Variants in TSPAN33 observed in about 807,000 individuals in gnomAD.
TSPAN33 encodes the protein tetraspanin 33.
In TSPAN33, 27 loss-of-function variants were observed where a neutral mutation model predicts 34.8. The ratio of observed to expected loss-of-function variants is 0.78; its 90% CI spans 0.57 to 1.07. The LOEUF is 1.07. Ranked by LOEUF, TSPAN33 falls within the 50% of genes least tolerant of loss-of-function variation. The pLI, the probability that TSPAN33 is intolerant of heterozygous loss-of-function variation, is 0.00. For synonymous variants in TSPAN33, 119 were observed against 124.2 expected (o/e 0.96, Z 0.28); for missense variants, 272 against 324.9 (o/e 0.84, Z 1.25).
In TSPAN33 at chr7:129,165,723, A is replaced by G. The variant is rs1793128246; in HGVS notation, c.460-1055A>G. On this transcript the variant is annotated intron_variant, in intron 5 of 7. Transcript: ENST00000486685. The surrounding 1 kb of genome is among the most constrained non-coding windows in gnomAD (Gnocchi z 4.5). ...TCAGGAGTTTGAGACTAGCCTGGCC[A>G]ACATGATGAAACCCTGTTTCCACCA... Among the ~76,000 whole-genome samples, 1 of 152,212 alleles carries G rather than the reference A, an allele frequency of 6.6e-6. No homozygotes were observed. Among genetic ancestry groups the G allele is most frequent in the South Asian group, 2.1e-4 (1 of 4,820 alleles).
chr7:129,150,617 C>T (rs1433681685), intron 1 of TSPAN33, among the ~76,000 whole-genome samples: 1 of 152,214 alleles, frequency 6.6e-6, no homozygotes, highest in Non-Finnish European at 1.5e-5. Flanking sequence ...CTGGAATTCT[C>T]TGAACATCAG....
rs199681216 is a variant in TSPAN33, at chr7:129,166,849, C to T, written c.531C>T (p.Asn177=). ...TGTATTTCAACTGCTCAGAAGACAA[C>T]CCCAGTCGAGAGCGCTGCTCTGTGC... is the stretch of plus-strand genomic sequence containing the variant. ...QNMYFNCSED[N]PSRERCSVPY... The change falls in exon 6 of 8, where the codon AAC becomes AAT. Residue 177 remains asparagine, a synonymous_variant. Coordinates refer to ENST00000486685, the MANE Select transcript of TSPAN33 (RefSeq NM_178562.5). 63 of 1,614,148 alleles carry T rather than the reference C, an allele frequency of 3.9e-5. No homozygotes were observed. The highest frequency in any genetic ancestry group is 5.0e-5 in the Non-Finnish European group (59 of 1,180,026).
chr7:129,161,874 G>A (rs34761481), intron 2 of TSPAN33, 138 bp downstream of exon 2: 174,652 of 1,000,946 alleles, frequency 0.17, 15,617 homozygotes, highest in Admixed American at 0.24. Flanking sequence ...CATGGTCTAC[G>A]TAGGTGTCAG....
At chr7:129,157,314 G>A (rs779557443) in intron 1 of TSPAN33, among the ~76,000 whole-genome samples, 5 of 152,090 alleles carry the variant, frequency 3.3e-5, no homozygotes, top group African/African-American at 7.2e-5. Context: ...GCTATGAACA[G>A]CAGCAGCAGC....
intron 1 of TSPAN33, among the ~76,000 whole-genome samples, chr7:129,154,900 A>G (rs1476936605): frequency 3.3e-5 from 5 of 152,214 alleles, no homozygotes. Context: ...CAGCAATCCC[A>G]CTACTGAGTG....
intron 1 of TSPAN33, among the ~76,000 whole-genome samples, chr7:129,152,384 T>C (rs1356494864): frequency 6.6e-6 from 1 of 152,178 alleles, no homozygotes; most frequent in Non-Finnish European, 1.5e-5. Flanking sequence ...CAACCAAGTA[T>C]TATTCAGCGA....
In TSPAN33 at chr7:129,168,819, G is replaced by C. The variant is rs574027255; in HGVS notation, c.*945G>C. ...GGGAGCCAGAAGTGGCAATAAAAGC[G>C]TGTTGACCTGGGCTACGCGGGACTC... On this transcript the variant is annotated 3_prime_UTR_variant, in exon 8 of 8. Transcript: ENST00000486685. 6.9e-6 allele frequency: 1 copy of C among 145,952 alleles called. No individual in the cohort carries two copies. Among genetic ancestry groups the C allele is most frequent in the South Asian group, 2.2e-4 (1 of 4,484 alleles). The allele number at this position is 145,952 out of a possible 1,614,324, so 9.0% of individuals were successfully genotyped here.
In TSPAN33 at chr7:129,165,857, CCAAGAT is replaced by C. The variant is rs1325448197; in HGVS notation, c.460-918_460-913del. Reference sequence around the variant, plus strand: ...TTTGGGAGTTGGAGGTTGCAGTGAGCCAAGATCATGCCATTGCACTCCAGCCTGGGT... The same window carrying C: ...TTTGGGAGTTGGAGGTTGCAGTGAGCCATGCCATTGCACTCCAGCCTGGGT... On this transcript the variant is annotated intron_variant, in intron 5 of 7. Coordinates refer to ENST00000486685, the MANE Select transcript of TSPAN33 (RefSeq NM_178562.5). This position sits in a 1 kb window ranked among gnomAD's most constrained non-coding sequence, Gnocchi z 4.5. Among the ~76,000 whole-genome samples the C allele has an allele frequency of 6.6e-6, 1 of 152,000 alleles. No individual in the cohort carries two copies. Among genetic ancestry groups the C allele is most frequent in the East Asian group, 1.9e-4 (1 of 5,154 alleles).
Position 129,167,741 on chromosome 7 carries a change from C to G in TSPAN33, c.751-32C>G. On this transcript the variant is annotated intron_variant, in intron 7 of 7. Coordinates refer to ENST00000486685, the MANE Select transcript of TSPAN33 (RefSeq NM_178562.5). The surrounding 1 kb of genome is among the most constrained non-coding windows in gnomAD (Gnocchi z 4.6). The stretch of plus-strand genomic sequence containing the variant: ...GGGAAAACAAGGCCATCACTCACTG[C>G]TGAGTGCCCAATTCCTTCTTGCCTC... The G allele has an allele frequency of 6.2e-7, 1 of 1,605,112 alleles. No individual in the cohort carries two copies. Among genetic ancestry groups the G allele is most frequent in the South Asian group, 1.1e-5 (1 of 90,836 alleles).
chr7:129,154,612 A>T (rs753256390), intron 1 of TSPAN33, among the ~76,000 whole-genome samples: 8 of 151,964 alleles, frequency 5.3e-5, no homozygotes, highest in African/African-American at 1.7e-4. Flanking sequence ...GTGGTGGCTC[A>T]TGCCTGTAAT....
chr7:129,146,211 A>G (rs769382958), intron 1 of TSPAN33, among the ~76,000 whole-genome samples: 13 of 152,134 alleles, frequency 8.5e-5, no homozygotes, highest in South Asian at 4.1e-4. Context: ...CATTTGCTGG[A>G]AAGGTTTCAC....
At chr7:129,145,615 T>C (rs559015148) in intron 1 of TSPAN33, among the ~76,000 whole-genome samples, 15 of 149,654 alleles carry the variant, frequency 1.0e-4, no homozygotes, top group Admixed American at 6.6e-4. Context: ...GTCTTTCCCA[T>C]CCCAGCACTG....
At chr7:129,155,485 A>G (rs1366204082) in intron 1 of TSPAN33, among the ~76,000 whole-genome samples, 4 of 152,246 alleles carry the variant, frequency 2.6e-5, no homozygotes, top group Admixed American at 6.5e-5. Flanking sequence ...GTATCAAAAT[A>G]TCATATGTAT....
chr7:129,167,653 G>A lies in TSPAN33; in HGVS notation c.750+93G>A. 1 of 1,549,492 alleles carries A rather than the reference G, an allele frequency of 6.5e-7. No homozygotes were observed. The highest frequency in any genetic ancestry group is 8.8e-7 in the Non-Finnish European group (1 of 1,130,072). On this transcript the variant is annotated intron_variant, in intron 7 of 7. Transcript: ENST00000486685. The surrounding 1 kb of genome is among the most constrained non-coding windows in gnomAD (Gnocchi z 4.6). ...ACCTGGGGATCAGCGAGGGTGTCAGGCACTGACATGGCTGAGGGGTAGGGA... is the reference window on the plus strand; with the variant it reads ...ACCTGGGGATCAGCGAGGGTGTCAGACACTGACATGGCTGAGGGGTAGGGA...
intron 2 of TSPAN33, 151 bp downstream of exon 2, chr7:129,161,887 C>T (rs922066021): frequency 3.6e-6 from 3 of 842,182 alleles, no homozygotes; most frequent in Non-Finnish European, 5.5e-6. Context: ...GGTGTCAGAC[C>T]CCCCCAGGCC....
At chr7:129,155,324 A>G (rs1255786717) in intron 1 of TSPAN33, among the ~76,000 whole-genome samples, 1 of 152,246 alleles carries the variant, frequency 6.6e-6, no homozygotes, top group African/African-American at 2.4e-5. Flanking sequence ...AATAAGTTCT[A>G]GTGTTCAACA....
At chr7:129,153,134 G>A (rs1334184416) in intron 1 of TSPAN33, among the ~76,000 whole-genome samples, 1 of 151,996 alleles carries the variant, frequency 6.6e-6, no homozygotes. Flanking sequence ...GACACAGAGG[G>A]TCACCTAGTA....
At chr7:129,149,553 C>G (rs1810565194) in intron 1 of TSPAN33, among the ~76,000 whole-genome samples, 1 of 150,238 alleles carries the variant, frequency 6.7e-6, no homozygotes, top group Non-Finnish European at 1.5e-5. Context: ...AACTCCGTCT[C>G]AAAAAAAAAG....
chr7:129,161,722 T>G lies in TSPAN33; in HGVS notation c.146T>G (p.Leu49Arg). 1 of 1,614,186 alleles carries G rather than the reference T, an allele frequency of 6.2e-7. No individual in the cohort carries two copies. The highest frequency in any genetic ancestry group is 8.5e-7 in the Non-Finnish European group (1 of 1,180,010). The change falls in exon 2 of 8, where the codon CTA (leucine) becomes CGA (arginine). Residue 49 changes from leucine to arginine, a missense_variant. Leu to Arg is a moderately radical substitution (Grantham distance 102, BLOSUM62 -2). Transcript: ENST00000486685. The stretch of plus-strand genomic sequence containing the variant: ...GTGGCTGTGGGTGTCTACGCTCGGC[T>G]AATGAAGCATGCAGGTGAGCTGTAG... The part of the protein sequence containing the change: ...VMVAVGVYAR[L>R]MKHAEAALAC...
Sources: allele counts gnomAD v4.1 joint callset (sites outside exome capture counted in the v4.1 genomes callset), GRCh38; gene constraint gnomAD v4.1.1; non-coding constraint Gnocchi (gnomAD v3.1); transcripts MANE v1.5; gene names NCBI Gene and HGNC (gene_info 2026-07-23, HGNC 2026-07-21).